Variants in ZMAT4 observed in about 807,000 individuals in gnomAD.
ZMAT4 encodes zinc finger matrin-type 4, also known as zinc finger matrin-type protein 4.
ZMAT4 carries 17 observed loss-of-function variants against 28.7 expected under a neutral mutation model. The ratio of observed to expected loss-of-function variants is 0.59; its 90% CI spans 0.41 to 0.89. The LOEUF is 0.89. ZMAT4 is among the 40% of genes least tolerant of loss of function. The pLI is 0.00. For synonymous variants in ZMAT4, 117 were observed against 109.2 expected, an observed-to-expected ratio of 1.07 and a Z score of -0.44; for missense variants, 240 against 283.8, an observed-to-expected ratio of 0.85 and a Z score of 1.11.
intron 1 of ZMAT4, among the ~76,000 whole-genome samples, chr8:40,848,993 G>A (rs1039079390): frequency 1.3e-5 from 2 of 152,212 alleles, no homozygotes; most frequent in South Asian, 2.1e-4. Flanking sequence ...GCAGGTCACC[G>A]CTCTGTGTCC....
intron 1 of ZMAT4, among the ~76,000 whole-genome samples, chr8:40,873,071 CAGAG>C (rs989903529): frequency 2.0e-5 from 3 of 152,080 alleles, no homozygotes; most frequent in African/African-American, 7.2e-5. Context: ...TGCAAGGTGA[CAGAG>C]AGATTTAGAT....
intron 5 of ZMAT4, among the ~76,000 whole-genome samples, chr8:40,614,227 G>T (rs1444642428): frequency 6.6e-6 from 1 of 152,106 alleles, no homozygotes; most frequent in Non-Finnish European, 1.5e-5. Flanking sequence ...TCTTTTCTAG[G>T]AAGCCCAGGA....
chr8:40,590,400 A>G (rs538762988), intron 5 of ZMAT4, among the ~76,000 whole-genome samples: 1 of 151,880 alleles, frequency 6.6e-6, no homozygotes, highest in Non-Finnish European at 1.5e-5. Context: ...GGTCCCTAGC[A>G]TAAGTGTATT....
At position 40,784,773 on chromosome 8, in the gene ZMAT4, A is replaced by G. The variant is rs1253761454; in HGVS notation, c.103-17043T>C. Among the ~76,000 whole-genome samples the G allele has an allele frequency of 4.6e-5, 7 of 152,248 alleles. No homozygotes were observed. The East Asian group carries it at 1.4e-3, about 29-fold the overall frequency. On this transcript the variant is annotated intron_variant, in intron 2 of 6. Coordinates refer to ENST00000297737, the MANE Select transcript of ZMAT4 (RefSeq NM_024645.3). ...GGGTTTGACAAACCCCAGCCTTTTC[A>G]GGGATCCCCTGAGCTGCAGAGAGCT...
At chr8:40,725,731 A>G (rs1811291391) in intron 3 of ZMAT4, among the ~76,000 whole-genome samples, 2 of 152,204 alleles carry the variant, frequency 1.3e-5, no homozygotes, top group South Asian at 4.1e-4. Context: ...AGATCGTGCC[A>G]CTGCACTCCA....
intron 3 of ZMAT4, among the ~76,000 whole-genome samples, chr8:40,726,790 C>T (rs1248264894): frequency 6.6e-6 from 1 of 152,198 alleles, no homozygotes; most frequent in Non-Finnish European, 1.5e-5. Flanking sequence ...AACAATATGG[C>T]CGGCAGAGTC....
intron 3 of ZMAT4, among the ~76,000 whole-genome samples, chr8:40,708,098 A>G (rs1810440742): frequency 6.6e-6 from 1 of 152,238 alleles, no homozygotes; most frequent in Non-Finnish European, 1.5e-5. Flanking sequence ...CCTCAAAAAT[A>G]AGTGAATGGA....
intron 5 of ZMAT4, among the ~76,000 whole-genome samples, chr8:40,641,726 T>G (rs1337803432): frequency 6.6e-6 from 1 of 152,222 alleles, no homozygotes; most frequent in Non-Finnish European, 1.5e-5. Context: ...AAGATCTGCC[T>G]TCTTAGCAAA....
chr8:40,625,175 T>C (rs530948252), intron 5 of ZMAT4, among the ~76,000 whole-genome samples: 30 of 151,926 alleles, frequency 2.0e-4, no homozygotes, highest in African/African-American at 6.8e-4. Context: ...GCTTGATGCA[T>C]CCAGAGGACA....
chr8:40,579,289 A>T (rs1173974789), intron 6 of ZMAT4, among the ~76,000 whole-genome samples: 1 of 152,092 alleles, frequency 6.6e-6, no homozygotes, highest in East Asian at 1.9e-4. Flanking sequence ...TGCTCCCAAA[A>T]AGTTATCTTT....
At chr8:40,773,598 T>A (rs1027141828) in intron 2 of ZMAT4, among the ~76,000 whole-genome samples, 18 of 152,116 alleles carry the variant, frequency 1.2e-4, no homozygotes, top group African/African-American at 4.3e-4. Flanking sequence ...TTTACTACAA[T>A]AAGTAGAAGT....
intron 3 of ZMAT4, among the ~76,000 whole-genome samples, chr8:40,726,941 T>C (rs1811337389): frequency 6.6e-6 from 1 of 152,218 alleles, no homozygotes; most frequent in South Asian, 2.1e-4. Flanking sequence ...CTGGATTTCA[T>C]ACTGGCCACA....
At chr8:40,584,410 G>T (rs534747586) in intron 5 of ZMAT4, among the ~76,000 whole-genome samples, 2 of 152,152 alleles carry the variant, frequency 1.3e-5, no homozygotes, top group South Asian at 4.2e-4. Context: ...TGGAGGAGGG[G>T]ACAATTAACT....
intron 1 of ZMAT4, among the ~76,000 whole-genome samples, chr8:40,844,983 A>G (rs1816832103): frequency 6.6e-6 from 1 of 152,140 alleles, no homozygotes; most frequent in Non-Finnish European, 1.5e-5. Flanking sequence ...CCACTGGGTG[A>G]CCTCACGACC....
intron 1 of ZMAT4, among the ~76,000 whole-genome samples, chr8:40,862,500 G>A (rs1350772604): frequency 1.3e-4 from 18 of 143,302 alleles, no homozygotes; most frequent in Admixed American, 2.2e-4. Flanking sequence ...CAGCACACCA[G>A]CATGGCACAT....
At chr8:40,557,273 A>G (rs187410132) in intron 6 of ZMAT4, among the ~76,000 whole-genome samples, 49 of 152,312 alleles carry the variant, frequency 3.2e-4, no homozygotes, top group African/African-American at 1.1e-3. Context: ...GTATATATAC[A>G]CAATAGAATA....
At chr8:40,764,728 A>G (rs1045236228) in intron 3 of ZMAT4, among the ~76,000 whole-genome samples, 14 of 152,214 alleles carry the variant, frequency 9.2e-5, no homozygotes, top group Admixed American at 7.2e-4. Context: ...TGGAGAGAGT[A>G]TCAGTAATAA....
intron 5 of ZMAT4, among the ~76,000 whole-genome samples, chr8:40,647,177 C>G (rs1474373419): frequency 6.6e-6 from 1 of 152,170 alleles, no homozygotes; most frequent in Non-Finnish European, 1.5e-5. Context: ...GTTCATCTCA[C>G]TAGGGAGTGC....
chr8:40,712,260 G>A (rs1410139060), intron 3 of ZMAT4, among the ~76,000 whole-genome samples: 2 of 152,150 alleles, frequency 1.3e-5, no homozygotes, highest in Admixed American at 6.5e-5. Flanking sequence ...TTAGAATGGT[G>A]CCTAACCTAG....
Sources: allele counts gnomAD v4.1 joint callset (sites outside exome capture counted in the v4.1 genomes callset), GRCh38; gene constraint gnomAD v4.1.1; transcripts MANE v1.5; gene names NCBI Gene and HGNC (gene_info 2026-07-23, HGNC 2026-07-21).